GRIK3: variants seen among roughly 807,000 people sequenced by gnomAD.
GRIK3 encodes glutamate receptor ionotropic, kainate 3.
In GRIK3, 29 loss-of-function variants were observed where a neutral mutation model predicts 102.5. That is an observed-to-expected ratio of 0.28 (90% CI 0.21 to 0.39). The LOEUF (loss-of-function observed/expected upper bound fraction) is 0.39, where lower values mean the gene tolerates loss of function less well. GRIK3 is among the 10% of genes least tolerant of loss of function. GRIK3 has a pLI of 1.00. For missense variants in GRIK3, 908 were observed against 1,252.4 expected, an observed-to-expected ratio of 0.73 and a Z score of 4.15; for synonymous variants, 511 against 504.9, an observed-to-expected ratio of 1.01 and a Z score of -0.16.
At chr1:36,879,749 G>A (rs1435431142) in intron 3 of GRIK3, among the ~76,000 whole-genome samples, 1 of 152,208 alleles carries the variant, frequency 6.6e-6, no homozygotes, top group Non-Finnish European at 1.5e-5. Flanking sequence ...ATTAGCTCTA[G>A]CTGGCAGAGC....
chr1:36,908,165 C>T (rs1641306511), intron 1 of GRIK3, among the ~76,000 whole-genome samples: 2 of 152,168 alleles, frequency 1.3e-5, no homozygotes, highest in Non-Finnish European at 2.9e-5. Flanking sequence ...TTATTCATTC[C>T]CCTACAGGGT....
At chr1:37,026,347 C>T (rs188446821) in intron 1 of GRIK3, among the ~76,000 whole-genome samples, 2 of 152,308 alleles carry the variant, frequency 1.3e-5, no homozygotes, top group East Asian at 1.9e-4. Flanking sequence ...GGCCCACCAA[C>T]TCCAGTGCAG....
At chr1:36,915,866 G>C (rs1417327091) in intron 1 of GRIK3, among the ~76,000 whole-genome samples, 2 of 152,160 alleles carry the variant, frequency 1.3e-5, no homozygotes, top group African/African-American at 4.8e-5. Context: ...ATGAAAATGG[G>C]CTAATTCAGT....
intron 9 of GRIK3, among the ~76,000 whole-genome samples, chr1:36,845,827 C>T (rs1640513486): frequency 6.6e-6 from 1 of 152,202 alleles, no homozygotes; most frequent in Non-Finnish European, 1.5e-5. Flanking sequence ...TGGGATAGTT[C>T]TCCCAGCCAA....
intron 1 of GRIK3, among the ~76,000 whole-genome samples, chr1:36,964,862 T>C (rs1370821464): frequency 1.3e-5 from 2 of 152,152 alleles, no homozygotes; most frequent in Admixed American, 6.5e-5. Context: ...AGAGAGCACA[T>C]AGGAAGACCC....
intron 1 of GRIK3, among the ~76,000 whole-genome samples, chr1:36,957,480 G>T (rs78279004): frequency 3.3e-5 from 2 of 60,046 alleles, no homozygotes; most frequent in East Asian, 1.1e-3. Flanking sequence ...CTGTGAGTCT[G>T]TGCCCCGTGA....
At chr1:37,006,676 C>G (rs1017251842) in intron 1 of GRIK3, among the ~76,000 whole-genome samples, 6 of 152,238 alleles carry the variant, frequency 3.9e-5, no homozygotes, top group Non-Finnish European at 8.8e-5. Flanking sequence ...GGCTAGACAT[C>G]AGAGCAGGAG....
chr1:36,980,471 C>T (rs1642237770), intron 1 of GRIK3, among the ~76,000 whole-genome samples: 2 of 151,764 alleles, frequency 1.3e-5, no homozygotes, highest in South Asian at 4.2e-4. Context: ...GTGCCACTTG[C>T]CTCCTTGGCT....
intron 10 of GRIK3, among the ~76,000 whole-genome samples, chr1:36,834,964 C>T (rs1029641036): frequency 2.6e-5 from 4 of 152,244 alleles, no homozygotes; most frequent in African/African-American, 4.8e-5. Context: ...TAGTCACTTC[C>T]TCAGGGAAGT....
chr1:36,901,102 A>C (rs964258473), intron 1 of GRIK3, among the ~76,000 whole-genome samples: 1 of 152,216 alleles, frequency 6.6e-6, no homozygotes, highest in Non-Finnish European at 1.5e-5. Context: ...AAATTCTACT[A>C]AACATTTAAG....
chr1:36,915,965 A>T (rs1014517836), intron 1 of GRIK3, among the ~76,000 whole-genome samples: 2 of 152,176 alleles, frequency 1.3e-5, no homozygotes, highest in African/African-American at 4.8e-5. Context: ...GAGGTTGGAA[A>T]AATTTGGAGG....
intron 1 of GRIK3, among the ~76,000 whole-genome samples, chr1:36,917,928 C>G (rs536038368): frequency 6.6e-6 from 1 of 152,152 alleles, no homozygotes; most frequent in East Asian, 1.9e-4. Flanking sequence ...CCAGTCACAG[C>G]CACTCAGAAA....
At chr1:36,953,535 A>G (rs1641869395) in intron 1 of GRIK3, among the ~76,000 whole-genome samples, 1 of 152,052 alleles carries the variant, frequency 6.6e-6, no homozygotes, top group African/African-American at 2.4e-5. Context: ...TAAGGAGAAG[A>G]GCTTAGGTGG....
chr1:36,804,891 A>C (rs1284743984), intron 15 of GRIK3, 96 bp downstream of exon 15: 2 of 1,452,844 alleles, frequency 1.4e-6, no homozygotes, highest in Non-Finnish European at 1.9e-6. Flanking sequence ...TGTGAGGCTG[A>C]GATGAGACAC....
At position 36,801,932 on chromosome 1, in the gene GRIK3, G is replaced by A. The variant is rs1642445280; in HGVS notation, c.2679C>T (p.Asn893=). 2 of 1,614,130 alleles carry A rather than the reference G, an allele frequency of 1.2e-6. No individual in the cohort carries two copies. Among genetic ancestry groups the A allele is most frequent in the East Asian group, 4.5e-5 (2 of 44,890 alleles). ...GCCGGCGGTCATTGAATGTGTGCAT[G>A]TTGATGACGGCGTCAGTCTTGACCA... ...PMMVKTDAVI[N]MHTFNDRRLP... Residue 893 remains asparagine, a synonymous_variant, in exon 16 of 16, where the codon AAC becomes AAT. Transcript: ENST00000373091.
At chr1:36,904,725 A>G (rs1481878904) in intron 1 of GRIK3, among the ~76,000 whole-genome samples, 1 of 152,196 alleles carries the variant, frequency 6.6e-6, no homozygotes, top group Admixed American at 6.5e-5. Flanking sequence ...ATGAAATTGG[A>G]TTCAAAATGT....
rs183555471 is a variant in GRIK3, at chr1:36,816,962, G to A, written c.2091+98C>T. 4 of 798,290 alleles carry A rather than the reference G, an allele frequency of 5.0e-6. No homozygotes were observed. In the African/African-American group the frequency reaches 5.1e-5, roughly 10 times the overall value. 49.5% of individuals were successfully genotyped at this position (798,290 alleles called of 1,614,324 possible). ...GGCTTCTGACCCATTGGCCATGCGT[G>A]GTTAGGGAAGGACAGAGACCCCCTT... On this transcript the variant is annotated intron_variant, in intron 13 of 15. Transcript: ENST00000373091.
chr1:36,886,550 G>T (rs1280177671), intron 2 of GRIK3, among the ~76,000 whole-genome samples: 1 of 152,194 alleles, frequency 6.6e-6, no homozygotes, highest in Non-Finnish European at 1.5e-5. Flanking sequence ...ATGTGCCAAG[G>T]TGTGACAGTG....
At chr1:36,905,649 G>A (rs1283834649) in intron 1 of GRIK3, among the ~76,000 whole-genome samples, 1 of 152,248 alleles carries the variant, frequency 6.6e-6, no homozygotes, top group East Asian at 1.9e-4. Context: ...AGAAAGACTG[G>A]AAGGATTTGT....
Sources: gnomAD v4.1 joint callset for allele counts (sites outside exome capture counted in the v4.1 genomes callset) on GRCh38, gnomAD v4.1.1 for gene constraint, MANE v1.5 for transcripts, NCBI Gene and HGNC (gene_info 2026-07-23, HGNC 2026-07-21) for gene names.